The following SPPL3 variants were observed in gnomAD, a reference collection of about 807,000 sequenced individuals.
The protein encoded by SPPL3 is signal peptide peptidase-like 3.
A neutral mutation model predicts 42.4 loss-of-function variants in SPPL3; 5 were observed. The ratio of observed to expected loss-of-function variants is 0.12; its 90% CI spans 0.06 to 0.25. The LOEUF is 0.25. Among genes scored for constraint, SPPL3 ranks in the 10% least tolerant of loss-of-function variants. The pLI is 1.00. For missense variants in SPPL3, 235 were observed against 489.0 expected, an observed-to-expected ratio of 0.48 and a Z score of 4.90; for synonymous variants, 195 against 181.8, an observed-to-expected ratio of 1.07 and a Z score of -0.58.
chr12:120,871,141 A>AAAAAAAAAG (rs1872911028), intron 1 of SPPL3, among the ~76,000 whole-genome samples: 1 of 149,972 alleles, frequency 6.7e-6, no homozygotes, highest in African/African-American at 2.4e-5. Flanking sequence ...AAAAAAAAAA[A>AAAAAAAAAG]AAAAAAAAGA....
chr12:120,840,204 G>A (rs1221939611), intron 1 of SPPL3, among the ~76,000 whole-genome samples: 1 of 150,596 alleles, frequency 6.6e-6, no homozygotes, highest in Non-Finnish European at 1.5e-5. Flanking sequence ...CTTGAACCCG[G>A]CGGGTGGAGG....
At chr12:120,807,134 G>A (rs542458288) in intron 2 of SPPL3, among the ~76,000 whole-genome samples, 3 of 152,152 alleles carry the variant, frequency 2.0e-5, no homozygotes, top group Non-Finnish European at 4.4e-5. Context: ...GAAGATAAAC[G>A]GATGGTTAAT....
chr12:120,844,676 T>C (rs1330106198), intron 1 of SPPL3, among the ~76,000 whole-genome samples: 1 of 152,042 alleles, frequency 6.6e-6, no homozygotes, highest in Non-Finnish European at 1.5e-5. Context: ...CTTCCTATGA[T>C]CTTTTTATGG....
rs73413851 is a variant in SPPL3, at chr12:120,845,198, A to G, written c.24-34312T>C. 763 of 455,706 alleles carry G rather than the reference A, an allele frequency of 1.7e-3. 6 individuals carry two copies. Among genetic ancestry groups the G allele is most frequent in the African/African-American group, 0.014 (693 of 48,958 alleles). The allele number at this position is 455,706 out of a possible 1,614,324, so 28.2% of individuals were successfully genotyped here. ...GTGGCACAGGTGGCCTGAATGTACCAGTTCATGTGGCAAAGGGAGTGCAGT... is the reference window on the plus strand; with the variant it reads ...GTGGCACAGGTGGCCTGAATGTACCGGTTCATGTGGCAAAGGGAGTGCAGT... On this transcript the variant is annotated intron_variant, in intron 1 of 10. Transcript: ENST00000353487.
intron 1 of SPPL3, among the ~76,000 whole-genome samples, chr12:120,812,106 G>GAAGA (rs1870701375): frequency 1.4e-5 from 2 of 140,706 alleles, no homozygotes; most frequent in African/African-American, 5.3e-5. Context: ...CCATTTAGTG[G>GAAGA]AAAAAAAAAA....
intron 1 of SPPL3, among the ~76,000 whole-genome samples, chr12:120,815,277 T>A (rs1023804312): frequency 6.6e-6 from 1 of 152,206 alleles, no homozygotes; most frequent in Non-Finnish European, 1.5e-5. Context: ...CCAAAGTGAG[T>A]ATTGTCTAAC....
intron 2 of SPPL3, among the ~76,000 whole-genome samples, chr12:120,794,955 C>T (rs935857744): frequency 4.0e-4 from 61 of 152,058 alleles, no homozygotes; most frequent in African/African-American, 1.4e-3. Flanking sequence ...CACAGTCTAC[C>T]TTCCAGTTAT....
intron 1 of SPPL3, among the ~76,000 whole-genome samples, chr12:120,876,689 A>G (rs1873107174): frequency 6.6e-6 from 1 of 151,752 alleles, no homozygotes; most frequent in Non-Finnish European, 1.5e-5. Flanking sequence ...CAAAATGTAC[A>G]GTATGTACAG....
chr12:120,850,876 G>A (rs1165241031), intron 1 of SPPL3, among the ~76,000 whole-genome samples: 1 of 152,080 alleles, frequency 6.6e-6, no homozygotes, highest in African/African-American at 2.4e-5. Context: ...CGTCAAATCT[G>A]CTACCACTCA....
chr12:120,879,256 C>G (rs1397197782), intron 1 of SPPL3, among the ~76,000 whole-genome samples: 1 of 151,970 alleles, frequency 6.6e-6, no homozygotes, highest in African/African-American at 2.4e-5. Context: ...TGAGTTACAT[C>G]ATCACAGCAG....
intron 1 of SPPL3, among the ~76,000 whole-genome samples, chr12:120,868,533 G>C (rs1039293801): frequency 5.9e-5 from 9 of 152,090 alleles, no homozygotes; most frequent in Non-Finnish European, 4.4e-5. Flanking sequence ...TGTCACTAGA[G>C]TGCAGTGGCA....
intron 1 of SPPL3, among the ~76,000 whole-genome samples, chr12:120,895,773 C>T (rs1873781914): frequency 3.3e-5 from 5 of 152,150 alleles, no homozygotes; most frequent in Admixed American, 3.3e-4. Context: ...CTGTGGAGTA[C>T]AACAGGCATA....
rs558957921 is a variant in SPPL3 at position 120,877,431 on chromosome 12, TAG to T, written c.23+26412_23+26413del. On this transcript the variant is annotated intron_variant, in intron 1 of 10. Coordinates refer to ENST00000353487, the MANE Select transcript of SPPL3 (RefSeq NM_139015.5). ...ATCACAGACCAGTGTGTCTCATGAA[TAG>T]AGACATGAAAATCTGTAACAAAATG... Among the ~76,000 whole-genome samples, 90 of 152,250 alleles carry T rather than the reference TAG, an allele frequency of 5.9e-4. 1 individual carries two copies. Among genetic ancestry groups the T allele is most frequent in the African/African-American group, 2.1e-3 (86 of 41,538 alleles).
chr12:120,797,103 G>A (rs1434690889), intron 2 of SPPL3, among the ~76,000 whole-genome samples: 1 of 152,184 alleles, frequency 6.6e-6, no homozygotes, highest in Non-Finnish European at 1.5e-5. Flanking sequence ...GGAGGTGGAG[G>A]TGGCAGTGAG....
In SPPL3 at chr12:120,766,377, G is replaced by T; in HGVS notation, c.974-5C>A. ...CCACAGTAGCAGTGAGCAGGCCTGT[G>T]AGGAGAGAGAGGCATCTGTGAGACA... is the stretch of plus-strand genomic sequence containing the variant. On this transcript the variant is annotated splice_region_variant and splice_polypyrimidine_tract_variant and intron_variant, in intron 9 of 10. Transcript: ENST00000353487. The T allele has an allele frequency of 6.4e-7, 1 of 1,570,892 alleles. No individual in the cohort carries two copies. The highest frequency in any genetic ancestry group is 1.9e-5 in the Admixed American group (1 of 52,290).
intron 1 of SPPL3, among the ~76,000 whole-genome samples, chr12:120,878,765 C>T (rs535084563): frequency 1.3e-4 from 20 of 152,062 alleles, no homozygotes; most frequent in African/African-American, 4.8e-4. Flanking sequence ...GTTATCTTAC[C>T]ATATCATACA....
intron 1 of SPPL3, among the ~76,000 whole-genome samples, chr12:120,847,962 A>G (rs2137031565): frequency 6.6e-6 from 1 of 152,234 alleles, no homozygotes; most frequent in Middle Eastern, 3.4e-3. Context: ...AGTGATTTTT[A>G]TAAGTGGCTG....
intron 2 of SPPL3, among the ~76,000 whole-genome samples, chr12:120,801,286 T>C (rs959186468): frequency 1.3e-5 from 2 of 152,190 alleles, no homozygotes; most frequent in African/African-American, 4.8e-5. Context: ...CTGTGCTAGC[T>C]GGGCCTCCTC....
intron 1 of SPPL3, among the ~76,000 whole-genome samples, chr12:120,837,275 C>T (rs1871652305): frequency 2.0e-5 from 3 of 152,136 alleles, no homozygotes; most frequent in African/African-American, 7.2e-5. Flanking sequence ...ATTGTCCCTT[C>T]AACTGGCTAG....
Sources: allele counts gnomAD v4.1 joint callset (sites outside exome capture counted in the v4.1 genomes callset), GRCh38; gene constraint gnomAD v4.1.1; transcripts MANE v1.5; gene names NCBI Gene and HGNC (gene_info 2026-07-23, HGNC 2026-07-21).